The following TNIK variants were observed in gnomAD, a reference collection of about 807,000 sequenced individuals.
The protein encoded by TNIK is TRAF2 and NCK interacting kinase.
Under a neutral mutation model 191.3 loss-of-function variants are expected in TNIK, and 49 were observed. That is an observed-to-expected ratio of 0.26 (90% CI 0.20 to 0.32). The LOEUF (loss-of-function observed/expected upper bound fraction) is 0.32, where lower values mean the gene tolerates loss of function less well. Among genes scored for constraint, TNIK ranks in the 10% least tolerant of loss-of-function variants. TNIK has a pLI of 1.00. For missense variants in TNIK, 1,155 were observed against 1,702.3 expected (o/e 0.68, Z 5.66); for synonymous variants, 594 against 600.9 (o/e 0.99, Z 0.17).
intron 2 of TNIK, among the ~76,000 whole-genome samples, chr3:171,318,487 TTA>T (rs1420211150): frequency 1.3e-5 from 2 of 152,186 alleles, no homozygotes; most frequent in Non-Finnish European, 2.9e-5. Flanking sequence ...AAGTTAATTC[TTA>T]TTGTATACAT....
At chr3:171,184,625 C>A (rs1737131304) in intron 7 of TNIK, among the ~76,000 whole-genome samples, 1 of 152,170 alleles carries the variant, frequency 6.6e-6, no homozygotes, top group African/African-American at 2.4e-5. Context: ...TAGACAGAGG[C>A]CACGACTTGT....
intron 1 of TNIK, among the ~76,000 whole-genome samples, chr3:171,433,613 C>G (rs1210841812): frequency 6.6e-6 from 1 of 151,972 alleles, no homozygotes; most frequent in Non-Finnish European, 1.5e-5. Context: ...TACACGTGTG[C>G]AACAAAAACA....
chr3:171,225,709 A>T (rs1036772761), intron 3 of TNIK: 1 of 440,478 alleles, frequency 2.3e-6, no homozygotes, highest in Non-Finnish European at 4.6e-6. Context: ...TGGTCTAGCA[A>T]TAGTGGTTCT....
chr3:171,446,292 G>A (rs1727485493), intron 1 of TNIK, among the ~76,000 whole-genome samples: 1 of 152,068 alleles, frequency 6.6e-6, no homozygotes, highest in Non-Finnish European at 1.5e-5. Flanking sequence ...TATTATTATT[G>A]TTTAAATACA....
intron 2 of TNIK, chr3:171,347,342 TACAAGTC>T: frequency 1.0e-6 from 1 of 999,286 alleles, no homozygotes; most frequent in Non-Finnish European, 1.4e-6. Flanking sequence ...ATGCCTGGTA[TACAAGTC>T]CTAAGTGCCT....
intron 2 of TNIK, among the ~76,000 whole-genome samples, chr3:171,311,922 C>G (rs896636216): frequency 6.6e-6 from 1 of 151,706 alleles, no homozygotes; most frequent in African/African-American, 2.4e-5. Flanking sequence ...ATTCCAGCAG[C>G]AAACATACAC....
chr3:171,112,638 G>C (rs887762547), intron 18 of TNIK, among the ~76,000 whole-genome samples: 2 of 151,924 alleles, frequency 1.3e-5, no homozygotes, highest in African/African-American at 4.8e-5. Flanking sequence ...AGAGTTGCTG[G>C]GGTTTTTTTC....
In TNIK at chr3:171,315,325, T is replaced by C. The variant is rs144129821; in HGVS notation, c.123+54295A>G. 4.1e-3 allele frequency among the ~76,000 whole-genome samples: 624 copies of C among 152,276 alleles called. 6 individuals carry two copies. The highest frequency in any genetic ancestry group is 0.014 in the African/African-American group (590 of 41,566). On this transcript the variant is annotated intron_variant, in intron 2 of 32. Transcript: ENST00000436636. ...GTGAATCCACATTTTTTCCTGTTAA[T>C]AGACAACTGAAATGGAACAAATATC...
intron 5 of TNIK, among the ~76,000 whole-genome samples, chr3:171,193,115 A>C (rs902953310): frequency 3.9e-5 from 6 of 152,218 alleles, no homozygotes; most frequent in African/African-American, 1.4e-4. Context: ...ACCAGGTATC[A>C]TCCATATGAT....
chr3:171,154,977 G>A (rs1384190349), intron 12 of TNIK, among the ~76,000 whole-genome samples: 1 of 152,172 alleles, frequency 6.6e-6, no homozygotes, highest in African/African-American at 2.4e-5. Flanking sequence ...AATCCACATG[G>A]TTACTCATAA....
chr3:171,205,768 C>T (rs1487240953), intron 4 of TNIK, among the ~76,000 whole-genome samples: 1 of 152,164 alleles, frequency 6.6e-6, no homozygotes, highest in Non-Finnish European at 1.5e-5. Flanking sequence ...AGAGTAAAAG[C>T]CGAGGTCTTT....
chr3:171,283,017 A>G (rs1218260845), intron 2 of TNIK, among the ~76,000 whole-genome samples: 2 of 152,182 alleles, frequency 1.3e-5, no homozygotes, highest in Non-Finnish European at 2.9e-5. Context: ...GTCCCTTTCC[A>G]TGCTATCTTC....
intron 3 of TNIK, among the ~76,000 whole-genome samples, chr3:171,218,723 T>A (rs1741772590): frequency 6.8e-6 from 1 of 147,580 alleles, no homozygotes; most frequent in Non-Finnish European, 1.5e-5. Context: ...ATACTCTACA[T>A]AGATTTTTAC....
intron 32 of TNIK, among the ~76,000 whole-genome samples, chr3:171,065,942 C>T (rs186864788): frequency 2.0e-5 from 3 of 152,110 alleles, no homozygotes; most frequent in Non-Finnish European, 2.9e-5. Context: ...CATCAAAAGG[C>T]CTTTAGGCCA....
intron 3 of TNIK, among the ~76,000 whole-genome samples, chr3:171,226,960 T>C (rs1743035944): frequency 1.3e-5 from 2 of 152,152 alleles, no homozygotes; most frequent in African/African-American, 4.8e-5. Context: ...TTTTTTCTTA[T>C]TTGTTTTTCT....
intron 2 of TNIK, among the ~76,000 whole-genome samples, chr3:171,252,576 C>T (rs1196801524): frequency 6.6e-6 from 1 of 152,164 alleles, no homozygotes; most frequent in Non-Finnish European, 1.5e-5. Context: ...CTGCATTGTT[C>T]TCCCAGCTTA....
chr3:171,358,873 G>A (rs1307561103), intron 2 of TNIK, among the ~76,000 whole-genome samples: 1 of 152,060 alleles, frequency 6.6e-6, no homozygotes, highest in Non-Finnish European at 1.5e-5. Context: ...ACATGACCCA[G>A]GAAACCACCA....
At position 171,081,695 on chromosome 3, in the gene TNIK, CT is replaced by C. The variant is rs11421700; in HGVS notation, c.3313+555del. On this transcript the variant is annotated intron_variant, in intron 27 of 32. Coordinates refer to ENST00000436636, the MANE Select transcript of TNIK (RefSeq NM_015028.4). ...ACAAGGCCTTCACTTTAGTCTCCAT[CT>C]TTTTTTTTTTTTCCTATATAAGGCT... Among the ~76,000 whole-genome samples, 425 of 143,468 alleles carry C rather than the reference CT, an allele frequency of 3.0e-3. 1 individual carries two copies. Among genetic ancestry groups the C allele is most frequent in the Middle Eastern group, 0.011 (3 of 282 alleles). 94.1% of individuals were successfully genotyped at this position (143,468 alleles called of 152,430 possible). A position where few individuals can be genotyped will look rare whatever the true frequency, so the allele number is the denominator to read the frequency against.
chr3:171,074,911 T>TTA (rs1183787222), intron 28 of TNIK, among the ~76,000 whole-genome samples: 88 of 152,296 alleles, frequency 5.8e-4, no homozygotes, highest in African/African-American at 2.0e-3. Context: ...AATTACCAGA[T>TTA]ATTGCTCCCT....
Sources: allele counts gnomAD v4.1 joint callset (sites outside exome capture counted in the v4.1 genomes callset), GRCh38; gene constraint gnomAD v4.1.1; transcripts MANE v1.5; gene names NCBI Gene and HGNC (gene_info 2026-07-23, HGNC 2026-07-21).